Variants in GRIA4 observed in about 807,000 individuals in gnomAD.
The protein encoded by GRIA4 is glutamate receptor 4.
A neutral mutation model predicts 104.0 loss-of-function variants in GRIA4; 34 were observed. The observed-to-expected ratio is 0.33, with a 90% CI of 0.25 to 0.44. GRIA4 has a LOEUF of 0.44. Among genes scored for constraint, GRIA4 ranks in the 20% least tolerant of loss-of-function variants. The pLI, the probability that GRIA4 is intolerant of heterozygous loss-of-function variation, is 1.00. For missense variants in GRIA4, 750 were observed against 1,096.5 expected (o/e 0.68, Z 4.46); for synonymous variants, 386 against 381.9 (o/e 1.01, Z -0.13).
intron 4 of GRIA4, among the ~76,000 whole-genome samples, chr11:105,844,954 A>T (rs892090265): frequency 5.3e-5 from 8 of 152,258 alleles, no homozygotes; most frequent in African/African-American, 1.9e-4. Context: ...CTGCCTAGGC[A>T]TGTGTTCAGG....
intron 14 of GRIA4, among the ~76,000 whole-genome samples, chr11:105,960,583 CAGT>C (rs1282791379): frequency 3.9e-5 from 6 of 152,320 alleles, no homozygotes. Context: ...TTGTGAGTCC[CAGT>C]ACTGGCTGCC....
intron 4 of GRIA4, among the ~76,000 whole-genome samples, chr11:105,762,544 AT>A (rs1201729968): frequency 1.3e-5 from 2 of 151,954 alleles, no homozygotes; most frequent in African/African-American, 2.4e-5. Flanking sequence ...TGTTTTGAGG[AT>A]TTTTTTGTGT....
At chr11:105,764,628 G>A (rs949981036) in intron 4 of GRIA4, among the ~76,000 whole-genome samples, 14 of 151,918 alleles carry the variant, frequency 9.2e-5, no homozygotes, top group Admixed American at 2.6e-4. Context: ...ATTGATTTAC[G>A]TAAGAACTAT....
intron 4 of GRIA4, among the ~76,000 whole-genome samples, chr11:105,849,950 C>A (rs565434020): frequency 6.6e-6 from 1 of 152,144 alleles, no homozygotes; most frequent in African/African-American, 2.4e-5. Flanking sequence ...ACTAAACTTG[C>A]CAGTTTTAGA....
chr11:105,623,226 C>T (rs1950800307), intron 3 of GRIA4, among the ~76,000 whole-genome samples: 1 of 151,640 alleles, frequency 6.6e-6, no homozygotes, highest in South Asian at 2.1e-4. Flanking sequence ...TGTATAGATA[C>T]CCAGTAGTGG....
In GRIA4 at chr11:105,981,977, A is replaced by G. The variant is rs939720984; in HGVS notation, c.*2238A>G. On this transcript the variant is annotated 3_prime_UTR_variant, in exon 17 of 17. Coordinates refer to ENST00000282499, the MANE Select transcript of GRIA4 (RefSeq NM_000829.4). ...GTGTACTCGTCTGTATAACTACTAG[A>G]CTGTAAGCTCCTTGAGGGCAGGGAC... The G allele has an allele frequency of 6.6e-6, 1 of 152,570 alleles. No individual in the cohort carries two copies. Among genetic ancestry groups the G allele is most frequent in the African/African-American group, 2.4e-5 (1 of 41,412 alleles). The allele number at this position is 152,570 out of a possible 1,614,324, so 9.5% of individuals were successfully genotyped here.
At position 105,839,026 on chromosome 11, in the gene GRIA4, C is replaced by G. The variant is rs544450619; in HGVS notation, c.488-22998C>G. Among the ~76,000 whole-genome samples, 4 of 152,258 alleles carry G rather than the reference C, an allele frequency of 2.6e-5. No homozygotes were observed. In the South Asian group the frequency reaches 8.3e-4, roughly 32 times the overall value. On this transcript the variant is annotated intron_variant, in intron 4 of 16. Transcript: ENST00000282499. ...TCTCAGTGTCTTCATTGCCCTCCACCTGTTTAGATGCACAGGGCCTTCATC... is the reference window on the plus strand; with the variant it reads ...TCTCAGTGTCTTCATTGCCCTCCACGTGTTTAGATGCACAGGGCCTTCATC...
chr11:105,638,225 T>C (rs968346628), intron 3 of GRIA4, among the ~76,000 whole-genome samples: 5 of 152,088 alleles, frequency 3.3e-5, no homozygotes, highest in African/African-American at 4.8e-5. Flanking sequence ...TGCATGGTGA[T>C]TGATGTTAAA....
chr11:105,645,253 TCTTGCTAGAGTGAGCTA>T (rs1395591975), intron 3 of GRIA4, among the ~76,000 whole-genome samples: 2 of 152,172 alleles, frequency 1.3e-5, no homozygotes, highest in Non-Finnish European at 2.9e-5. Flanking sequence ...ACAACAACTA[TCTTGCTAGAGTGAGCTA>T]CTTGTGCCAA....
chr11:105,944,148 CAT>C (rs926984659), intron 14 of GRIA4, among the ~76,000 whole-genome samples: 2 of 152,142 alleles, frequency 1.3e-5, no homozygotes, highest in Non-Finnish European at 2.9e-5. Context: ...CATTGTATAA[CAT>C]AGAATCTGTC....
intron 3 of GRIA4, among the ~76,000 whole-genome samples, chr11:105,644,932 C>T (rs1951482322): frequency 6.6e-6 from 1 of 152,170 alleles, no homozygotes; most frequent in Non-Finnish European, 1.5e-5. Context: ...GAAGGTCTTA[C>T]TAATTCCTTC....
Position 105,619,069 on chromosome 11 carries a change from A to G in GRIA4, c.247+6635A>G, listed in dbSNP as rs201066048. 7.1e-3 allele frequency among the ~76,000 whole-genome samples: 230 copies of G among 32,264 alleles called. 4 individuals carry two copies. The East Asian group carries it at 0.13, about 18-fold the overall frequency. The allele number at this position is 32,264 out of a possible 152,430, so 21.2% of individuals were successfully genotyped here. On this transcript the variant is annotated intron_variant, in intron 3 of 16. Transcript: ENST00000282499. ...TTCTTTTCAGAATGTTCTTTTGTAT[A>G]TGACCAGAAAAAAAAAAAGCAACCC...
At position 105,981,773 on chromosome 11, in the gene GRIA4, C is replaced by T. The variant is rs888128668; in HGVS notation, c.*2034C>T. On this transcript the variant is annotated 3_prime_UTR_variant, in exon 17 of 17. Transcript: ENST00000282499. ...TATTTCCTCAGTGCGTAACTCCTCC[C>T]TGTCTCCTCTTTACCTGAGTAACTT... 2 of 152,666 alleles carry T rather than the reference C, an allele frequency of 1.3e-5. No individual in the cohort carries two copies. Among genetic ancestry groups the T allele is most frequent in the African/African-American group, 4.8e-5 (2 of 41,450 alleles). The allele number at this position is 152,666 out of a possible 1,614,324, so 9.5% of individuals were successfully genotyped here.
rs688863 is a variant in GRIA4, at chr11:105,872,710, T to C, written c.672+10502T>C. On this transcript the variant is annotated intron_variant, in intron 5 of 16. Coordinates refer to ENST00000282499, the MANE Select transcript of GRIA4 (RefSeq NM_000829.4). ...TCATTGATATGTCCAATTAGAGACA[T>C]CTCAAGAAATTAGATATTTGACTTT... 2.0e-3 allele frequency among the ~76,000 whole-genome samples: 298 copies of C among 152,210 alleles called. 1 individual carries two copies. Among genetic ancestry groups the C allele is most frequent in the African/African-American group, 6.6e-3 (276 of 41,550 alleles).
intron 14 of GRIA4, among the ~76,000 whole-genome samples, chr11:105,942,783 T>C (rs960104313): frequency 2.0e-5 from 3 of 152,242 alleles, no homozygotes; most frequent in East Asian, 1.9e-4. Context: ...AATTTTAGCT[T>C]ATTTTAAAAA....
Position 105,796,480 on chromosome 11 carries a change from T to C in GRIA4, c.487+43260T>C, listed in dbSNP as rs548557719. Among the ~76,000 whole-genome samples the C allele has an allele frequency of 5.3e-5, 8 of 152,304 alleles. No homozygotes were observed. In the South Asian group the frequency reaches 1.2e-3, roughly 24 times the overall value. ...TGGATATAAATTCTCATTTTAGTCATACATTTCCAAAATTTGATAAATACT... is the reference window on the plus strand; with the variant it reads ...TGGATATAAATTCTCATTTTAGTCACACATTTCCAAAATTTGATAAATACT... On this transcript the variant is annotated intron_variant, in intron 4 of 16. Transcript: ENST00000282499.
chr11:105,758,718 G>A (rs1404913244), intron 4 of GRIA4, among the ~76,000 whole-genome samples: 1 of 152,046 alleles, frequency 6.6e-6, no homozygotes, highest in Non-Finnish European at 1.5e-5. Flanking sequence ...TAACAGATGT[G>A]CTTTATAATT....
At chr11:105,693,809 G>A (rs1361907756) in intron 3 of GRIA4, among the ~76,000 whole-genome samples, 1 of 152,130 alleles carries the variant, frequency 6.6e-6, no homozygotes, top group Non-Finnish European at 1.5e-5. Flanking sequence ...ACCAAATCCA[G>A]CCTTTCATCT....
chr11:105,930,366 T>A (rs1050313117), intron 13 of GRIA4, among the ~76,000 whole-genome samples: 9 of 152,110 alleles, frequency 5.9e-5, no homozygotes, highest in Non-Finnish European at 1.0e-4. Context: ...AACTTGCTTT[T>A]ATCTTTCCAT....
Sources: allele counts gnomAD v4.1 joint callset (sites outside exome capture counted in the v4.1 genomes callset), GRCh38; gene constraint gnomAD v4.1.1; transcripts MANE v1.5; gene names NCBI Gene and HGNC (gene_info 2026-07-23, HGNC 2026-07-21).